The following ZNF804B variants were observed in gnomAD, a reference collection of about 807,000 sequenced individuals.
The protein encoded by ZNF804B is zinc finger 804B.
A neutral mutation model predicts 101.4 loss-of-function variants in ZNF804B; 80 were observed. That is an observed-to-expected ratio of 0.79 (90% CI 0.66 to 0.95). The LOEUF (loss-of-function observed/expected upper bound fraction) is 0.95, where lower values mean the gene tolerates loss of function less well. Ranked by LOEUF, ZNF804B falls within the 40% of genes least tolerant of loss-of-function variation. ZNF804B has a pLI of 0.00. For synonymous variants in ZNF804B, 622 were observed against 558.8 expected, an observed-to-expected ratio of 1.11 and a Z score of -1.59; for missense variants, 1,673 against 1,561.9, an observed-to-expected ratio of 1.07 and a Z score of -1.20.
chr7:88,903,369 CT>C (rs1188717443), intron 1 of ZNF804B, among the ~76,000 whole-genome samples: 5 of 152,082 alleles, frequency 3.3e-5, no homozygotes, highest in African/African-American at 7.2e-5. Context: ...GGGCACCTAG[CT>C]TGATTCCATA....
At chr7:88,766,946 T>G (rs1789993637) in intron 1 of ZNF804B, among the ~76,000 whole-genome samples, 1 of 152,224 alleles carries the variant, frequency 6.6e-6, no homozygotes, top group South Asian at 2.1e-4. Flanking sequence ...GCAAATTTTA[T>G]TTCACTTTTG....
intron 1 of ZNF804B, among the ~76,000 whole-genome samples, chr7:88,782,445 TTA>T (rs546068349): frequency 1.1e-4 from 16 of 152,038 alleles, no homozygotes; most frequent in Non-Finnish European, 1.8e-4. Flanking sequence ...TTCAATTTAG[TTA>T]TATATATACA....
intron 2 of ZNF804B, among the ~76,000 whole-genome samples, chr7:89,292,123 C>G (rs932758587): frequency 1.1e-4 from 17 of 151,714 alleles, no homozygotes; most frequent in African/African-American, 4.1e-4. Flanking sequence ...CAACACCATA[C>G]CTGTCTGTCC....
chr7:89,298,216 G>GTATA (rs1171165341), intron 2 of ZNF804B, among the ~76,000 whole-genome samples: 2,430 of 27,292 alleles, frequency 0.089, 250 homozygotes, highest in Admixed American at 0.093. Context: ...GTGTGTGTGT[G>GTATA]TATATATATA....
intron 2 of ZNF804B, among the ~76,000 whole-genome samples, chr7:89,262,724 A>C (rs1337189546): frequency 1.3e-5 from 2 of 152,044 alleles, no homozygotes; most frequent in Non-Finnish European, 2.9e-5. Flanking sequence ...TTTTTAGTCT[A>C]TATAATTAGA....
intron 1 of ZNF804B, among the ~76,000 whole-genome samples, chr7:88,914,258 G>A (rs1186967350): frequency 6.6e-6 from 1 of 152,150 alleles, no homozygotes; most frequent in Non-Finnish European, 1.5e-5. Context: ...AGCCCGTAAA[G>A]GGTAATCTAA....
rs1375526126 is a variant in ZNF804B, at chr7:89,140,371, A to G, written c.109-77784A>G. Among the ~76,000 whole-genome samples, 5 of 152,190 alleles carry G rather than the reference A, an allele frequency of 3.3e-5. No individual in the cohort carries two copies. In the East Asian group the frequency reaches 9.7e-4, roughly 29 times the overall value. On this transcript the variant is annotated intron_variant, in intron 1 of 3. Transcript: ENST00000333190. ...CCTATAACAAGAGAGGCGGCCTGTC[A>G]TTGAAAGCTTTAGAGCCAGATTTTG...
chr7:89,068,317 G>A (rs1043777360), intron 1 of ZNF804B, among the ~76,000 whole-genome samples: 1 of 151,588 alleles, frequency 6.6e-6, no homozygotes, highest in African/African-American at 2.4e-5. Flanking sequence ...TATTACTGAA[G>A]CCTGATATCA....
At chr7:89,332,183 T>C (rs1052282663) in intron 3 of ZNF804B, among the ~76,000 whole-genome samples, 9 of 151,624 alleles carry the variant, frequency 5.9e-5, no homozygotes, top group African/African-American at 2.2e-4. Flanking sequence ...CTAGAGACAA[T>C]GAAGCAAAGT....
intron 2 of ZNF804B, among the ~76,000 whole-genome samples, chr7:89,278,810 C>A (rs912895005): frequency 6.6e-6 from 1 of 151,412 alleles, no homozygotes; most frequent in African/African-American, 2.4e-5. Context: ...GTTCTTTTGG[C>A]TTAGGATTGA....
At chr7:88,937,940 A>G (rs959359037) in intron 1 of ZNF804B, among the ~76,000 whole-genome samples, 3 of 152,100 alleles carry the variant, frequency 2.0e-5, no homozygotes, top group African/African-American at 7.2e-5. Flanking sequence ...TGAGCCAAAT[A>G]TGGGTGACCG....
chr7:89,293,092 T>A (rs1458762960), intron 2 of ZNF804B, among the ~76,000 whole-genome samples: 1 of 151,890 alleles, frequency 6.6e-6, no homozygotes, highest in Non-Finnish European at 1.5e-5. Context: ...AGGTCATTTT[T>A]TATCTTCTGA....
chr7:89,190,096 A>G (rs1169643539), intron 1 of ZNF804B, among the ~76,000 whole-genome samples: 2 of 152,096 alleles, frequency 1.3e-5, no homozygotes, highest in African/African-American at 4.8e-5. Flanking sequence ...TCAAAACTTC[A>G]GTGGAGGAAA....
chr7:89,148,200 A>T (rs1220477005), intron 1 of ZNF804B, among the ~76,000 whole-genome samples: 1 of 152,130 alleles, frequency 6.6e-6, no homozygotes, highest in East Asian at 1.9e-4. Flanking sequence ...TGCACAAGGT[A>T]TATAATATCT....
At chr7:88,922,481 G>A (rs1430785580) in intron 1 of ZNF804B, among the ~76,000 whole-genome samples, 3 of 151,866 alleles carry the variant, frequency 2.0e-5, no homozygotes, top group African/African-American at 7.3e-5. Flanking sequence ...TTTAATGAAA[G>A]TTGTCTCTAT....
intron 1 of ZNF804B, among the ~76,000 whole-genome samples, chr7:89,089,994 T>C (rs1789858925): frequency 1.3e-5 from 2 of 152,214 alleles, no homozygotes; most frequent in Admixed American, 1.3e-4. Flanking sequence ...TTAAAAGTAG[T>C]TGTTACATTT....
intron 2 of ZNF804B, among the ~76,000 whole-genome samples, chr7:89,228,916 C>T (rs999298696): frequency 9.2e-5 from 14 of 152,180 alleles, no homozygotes; most frequent in East Asian, 3.9e-4. Context: ...CCCTGCCCCG[C>T]GGGAAGGCAG....
intron 1 of ZNF804B, among the ~76,000 whole-genome samples, chr7:88,855,525 T>C (rs1049097505): frequency 3.9e-5 from 6 of 152,164 alleles, no homozygotes; most frequent in African/African-American, 1.2e-4. Context: ...GATGAGTAGA[T>C]TGCAAAAATT....
At chr7:89,204,283 CA>C (rs1303355222) in intron 1 of ZNF804B, among the ~76,000 whole-genome samples, 2 of 152,092 alleles carry the variant, frequency 1.3e-5, no homozygotes, top group Non-Finnish European at 2.9e-5. Context: ...TAGATATATT[CA>C]TTTAAATGTA....
Sources: gnomAD v4.1 joint callset for allele counts (sites outside exome capture counted in the v4.1 genomes callset) on GRCh38, gnomAD v4.1.1 for gene constraint, MANE v1.5 for transcripts, NCBI Gene and HGNC (gene_info 2026-07-23, HGNC 2026-07-21) for gene names.